Variants in CCDC3 observed in about 807,000 individuals in gnomAD.
CCDC3 encodes the protein coiled-coil domain containing 3.
In CCDC3, 24 loss-of-function variants were observed where a neutral mutation model predicts 21.4. The ratio of observed to expected loss-of-function variants is 1.12; its 90% CI spans 0.81 to 1.58. CCDC3 has a LOEUF of 1.58. Among genes scored for constraint, CCDC3 ranks in the 40% most tolerant of loss-of-function variants. The pLI, the probability that CCDC3 is intolerant of heterozygous loss-of-function variation, is 0.00. For missense variants in CCDC3, 425 were observed against 360.9 expected (o/e 1.18, Z -1.44); for synonymous variants, 186 against 166.0 (o/e 1.12, Z -0.93).
At chr10:12,925,386 G>C (rs1329026396) in intron 2 of CCDC3, among the ~76,000 whole-genome samples, 1 of 137,008 alleles carries the variant, frequency 7.3e-6, no homozygotes, top group Non-Finnish European at 1.6e-5. Context: ...AAAGTCCTTT[G>C]TGGGCCATTA....
chr10:12,986,500 C>T (rs1835592711), intron 2 of CCDC3, among the ~76,000 whole-genome samples: 2 of 152,252 alleles, frequency 1.3e-5, no homozygotes, highest in Admixed American at 1.3e-4. Context: ...GTAGGCCGGG[C>T]ACAGTGGTTC....
chr10:13,088,821 G>A (rs781509365), intron 3 of CCDC3, among the ~76,000 whole-genome samples: 7 of 152,118 alleles, frequency 4.6e-5, no homozygotes, highest in Non-Finnish European at 8.8e-5. Flanking sequence ...TCAGGAGTTC[G>A]AGACCAGCCT....
chr10:12,908,612 C>CTTT (rs764071462), intron 2 of CCDC3, among the ~76,000 whole-genome samples: 18,317 of 139,162 alleles, frequency 0.13, 1,570 homozygotes, highest in East Asian at 0.25. Context: ...TGTGATTTTT[C>CTTT]TTTTTTTTTT....
chr10:13,050,112 G>A (rs1836584487), intron 4 of CCDC3, among the ~76,000 whole-genome samples: 1 of 152,116 alleles, frequency 6.6e-6, no homozygotes, highest in South Asian at 2.1e-4. Flanking sequence ...GTGGGGCTGA[G>A]GCTGTGAGCC....
intron 3 of CCDC3, among the ~76,000 whole-genome samples, chr10:13,086,844 C>T (rs1198122242): frequency 6.6e-6 from 1 of 152,162 alleles, no homozygotes; most frequent in Non-Finnish European, 1.5e-5. Context: ...GGAAGCGGCA[C>T]CTGCCACCCA....
At chr10:13,022,944 G>T (rs889220913) in intron 5 of CCDC3, among the ~76,000 whole-genome samples, 3 of 152,052 alleles carry the variant, frequency 2.0e-5, no homozygotes, top group Non-Finnish European at 2.9e-5. Flanking sequence ...AGCACAAGTT[G>T]ACCAGTTTAA....
chr10:12,915,677 G>A (rs1353646083), intron 2 of CCDC3, among the ~76,000 whole-genome samples: 1 of 152,134 alleles, frequency 6.6e-6, no homozygotes, highest in Non-Finnish European at 1.5e-5. Context: ...TGTGGTCATG[G>A]GTGGGTTTGC....
intron 2 of CCDC3, among the ~76,000 whole-genome samples, chr10:12,985,939 G>A (rs1488838884): frequency 2.6e-5 from 4 of 152,164 alleles, no homozygotes; most frequent in Non-Finnish European, 4.4e-5. Flanking sequence ...GCAGTGGCGC[G>A]ATCTCGGCTC....
chr10:13,014,469 A>C (rs201461966), intron 5 of CCDC3, among the ~76,000 whole-genome samples: 1 of 49,144 alleles, frequency 2.0e-5, no homozygotes, highest in Non-Finnish European at 6.4e-5. Context: ...AAAAAAAAAA[A>C]AGAAAAAAAA....
chr10:13,001,126 C>T (rs546610022), intron 1 of CCDC3, 71 bp downstream of exon 1: 1 of 1,499,934 alleles, frequency 6.7e-7, no homozygotes, highest in South Asian at 1.3e-5. Context: ...ACCGGCCTGG[C>T]TCTAGGTAAC....
intron 3 of CCDC3, among the ~76,000 whole-genome samples, chr10:13,092,762 T>G (rs1832587116): frequency 6.6e-6 from 1 of 152,222 alleles, no homozygotes; most frequent in Non-Finnish European, 1.5e-5. Context: ...AAAATGTTGC[T>G]GGCATCCAGC....
chr10:12,959,254 G>A (rs936703022), intron 2 of CCDC3, among the ~76,000 whole-genome samples: 2 of 151,352 alleles, frequency 1.3e-5, no homozygotes, highest in African/African-American at 4.9e-5. Context: ...TGCAACCTCT[G>A]CCTCCTGGGT....
At chr10:12,905,275 C>G (rs1275244171) in intron 2 of CCDC3, among the ~76,000 whole-genome samples, 5 of 152,242 alleles carry the variant, frequency 3.3e-5, no homozygotes, top group African/African-American at 4.8e-5. Context: ...TAGACCACAG[C>G]TATACTCATC....
At chr10:13,052,938 TCACACACACACACACACACACACA>T (rs56261341) in intron 4 of CCDC3, among the ~76,000 whole-genome samples, 7 of 134,436 alleles carry the variant, frequency 5.2e-5, no homozygotes, top group Admixed American at 7.7e-5. Context: ...TGAGACTCTG[TCACACACACACACACACACACACA>T]CACACACACA....
rs112472226 is a variant in CCDC3 at position 12,911,635 on chromosome 10, C to T, written c.550-12956G>A. ...TGTGTACACTGACATGGCTAATTAA[C>T]GATGTATCACCTCACATACCATTTT... On this transcript the variant is annotated intron_variant, in intron 2 of 2. Transcript: ENST00000378825. 7.6e-4 allele frequency among the ~76,000 whole-genome samples: 116 copies of T among 152,260 alleles called. No individual in the cohort carries two copies. In the East Asian group the frequency reaches 0.02, roughly 26 times the overall value.
chr10:13,072,386 TG>T (rs1836894585), intron 4 of CCDC3, among the ~76,000 whole-genome samples: 1 of 152,186 alleles, frequency 6.6e-6, no homozygotes, highest in Admixed American at 6.5e-5. Context: ...CGCCGTTGGA[TG>T]TACTTCTTTA....
chr10:13,052,075 G>T (rs1836615515), intron 4 of CCDC3, among the ~76,000 whole-genome samples: 1 of 152,114 alleles, frequency 6.6e-6, no homozygotes, highest in African/African-American at 2.4e-5. Flanking sequence ...TACTAGGGCA[G>T]TATAATCTCC....
Position 12,976,007 on chromosome 10 carries a change from A to G in CCDC3, c.549+22331T>C, listed in dbSNP as rs139769880. On this transcript the variant is annotated intron_variant, in intron 2 of 2. Coordinates refer to ENST00000378825, the MANE Select transcript of CCDC3 (RefSeq NM_031455.4). ...TCCCTGCAGAGGTGGGGTTTCTGCT[A>G]TTTGCCTGTAAGCCCTATGTCTCTC... Among the ~76,000 whole-genome samples the G allele has an allele frequency of 5.6e-3, 850 of 152,240 alleles. 6 individuals carry two copies. The highest frequency in any genetic ancestry group is 0.019 in the African/African-American group (793 of 41,546).
chr10:12,925,485 C>A (rs1185470442), intron 2 of CCDC3, among the ~76,000 whole-genome samples: 1 of 152,248 alleles, frequency 6.6e-6, no homozygotes, highest in Non-Finnish European at 1.5e-5. Flanking sequence ...CGCAACTCCC[C>A]ACAAGCGGCC....
Sources: allele counts gnomAD v4.1 joint callset (sites outside exome capture counted in the v4.1 genomes callset), GRCh38; gene constraint gnomAD v4.1.1; transcripts MANE v1.5; gene names NCBI Gene and HGNC (gene_info 2026-07-23, HGNC 2026-07-21).